Variants in CDH13 observed in about 807,000 individuals in gnomAD.
CDH13 encodes the protein cadherin-13.
A neutral mutation model predicts 63.8 loss-of-function variants in CDH13; 24 were observed. That is an observed-to-expected ratio of 0.38 (90% CI 0.27 to 0.53). The LOEUF is 0.53. Among genes scored for constraint, CDH13 ranks in the 20% least tolerant of loss-of-function variants. The pLI is 0.85. For missense variants in CDH13, 1,049 were observed against 903.1 expected (o/e 1.16, Z -2.07); for synonymous variants, 503 against 355.3 (o/e 1.42, Z -4.67).
At position 83,286,543 on chromosome 16, in the gene CDH13, C is replaced by G. The variant is rs367729876; in HGVS notation, c.637-58319C>G. Among the ~76,000 whole-genome samples the G allele has an allele frequency of 2.0e-5, 3 of 151,940 alleles. No homozygotes were observed. In the East Asian group the frequency reaches 5.8e-4, roughly 29 times the overall value. ...GGCCAAGGCAGACGGATTGCCTGAG[C>G]TCAGGAGTTCAAGACCAGCCTTGGC... On this transcript the variant is annotated intron_variant, in intron 5 of 13. Transcript: ENST00000567109.
chr16:83,377,183 G>A (rs535143575), intron 6 of CDH13, among the ~76,000 whole-genome samples: 1 of 152,248 alleles, frequency 6.6e-6, no homozygotes, highest in South Asian at 2.1e-4. Flanking sequence ...ATGTTTAGAT[G>A]TTTTCATTCT....
intron 3 of CDH13, among the ~76,000 whole-genome samples, chr16:83,065,741 AAC>A (rs1203731403): frequency 3.3e-5 from 5 of 151,916 alleles, no homozygotes; most frequent in Non-Finnish European, 5.9e-5. Flanking sequence ...AAAAAAAAAA[AAC>A]AAGACTACTT....
chr16:83,271,772 C>A (rs1291659905), intron 5 of CDH13, among the ~76,000 whole-genome samples: 3 of 152,092 alleles, frequency 2.0e-5, no homozygotes, highest in African/African-American at 7.2e-5. Context: ...GAGAAAAATT[C>A]TGTAATTTCA....
chr16:83,506,594 C>T (rs947808090), intron 7 of CDH13, among the ~76,000 whole-genome samples: 1 of 152,214 alleles, frequency 6.6e-6, no homozygotes, highest in African/African-American at 2.4e-5. Flanking sequence ...GGAGGGCTCC[C>T]AGTGATTCTC....
At chr16:83,443,434 A>AT (rs766889532) in intron 6 of CDH13, among the ~76,000 whole-genome samples, 9 of 152,202 alleles carry the variant, frequency 5.9e-5, no homozygotes, top group Non-Finnish European at 1.3e-4. Context: ...TGATTTATAC[A>AT]TTTTTGACCT....
chr16:83,747,849 G>A (rs1912732015), intron 10 of CDH13, among the ~76,000 whole-genome samples: 1 of 151,428 alleles, frequency 6.6e-6, no homozygotes, highest in Non-Finnish European at 1.5e-5. Context: ...TGAGAGCTTG[G>A]CAGATGGCAA....
intron 4 of CDH13, among the ~76,000 whole-genome samples, chr16:83,201,773 C>T (rs374567197): frequency 5.3e-5 from 8 of 151,566 alleles, no homozygotes; most frequent in African/African-American, 1.9e-4. Context: ...AAAAATTAGC[C>T]GGGCGTGGTA....
At chr16:82,979,590 AG>A (rs1400778120) in intron 2 of CDH13, among the ~76,000 whole-genome samples, 3 of 152,210 alleles carry the variant, frequency 2.0e-5, no homozygotes, top group African/African-American at 7.2e-5. Flanking sequence ...CATGTGAAAA[AG>A]GATGTGTTTG....
chr16:83,031,307 G>T (rs1454674382), intron 2 of CDH13, among the ~76,000 whole-genome samples: 28 of 28,246 alleles, frequency 9.9e-4, no homozygotes, highest in African/African-American at 3.2e-3. Context: ...GTATCCATGC[G>T]CATGCATAGG....
intron 5 of CDH13, among the ~76,000 whole-genome samples, chr16:83,319,463 A>T (rs2090175162): frequency 6.6e-6 from 1 of 152,192 alleles, no homozygotes; most frequent in African/African-American, 2.4e-5. Context: ...CAACCTAAGA[A>T]GGCTTTGTTG....
intron 11 of CDH13, among the ~76,000 whole-genome samples, chr16:83,754,465 G>T (rs766759514): frequency 3.3e-5 from 5 of 152,156 alleles, no homozygotes; most frequent in Admixed American, 2.0e-4. Context: ...CTAAGTTGAT[G>T]AAGCAAGGCT....
At chr16:83,401,332 C>G (rs1344538449) in intron 6 of CDH13, among the ~76,000 whole-genome samples, 1 of 148,808 alleles carries the variant, frequency 6.7e-6, no homozygotes, top group Non-Finnish European at 1.5e-5. Context: ...GAGTGAGACT[C>G]CATCTCAAAA....
At chr16:83,287,045 C>A (rs2089335524) in intron 5 of CDH13, among the ~76,000 whole-genome samples, 2 of 152,104 alleles carry the variant, frequency 1.3e-5, no homozygotes, top group African/African-American at 4.8e-5. Context: ...GGGCCACCTT[C>A]ATGAGCGCAT....
intron 7 of CDH13, among the ~76,000 whole-genome samples, chr16:83,497,309 C>T (rs1258450758): frequency 2.0e-5 from 3 of 152,022 alleles, no homozygotes; most frequent in Non-Finnish European, 4.4e-5. Flanking sequence ...GGCACATATA[C>T]ACCATGGAAT....
rs367891576 is a variant in CDH13 at position 83,097,331 on chromosome 16, G to A, written c.367-28054G>A. On this transcript the variant is annotated intron_variant, in intron 3 of 13. Transcript: ENST00000567109. ...TCTTGCCTCATAACTTTTGTTCTTTGTATTCCTTAAAAAGACCTAAGAGAG... is the reference window on the plus strand; with the variant it reads ...TCTTGCCTCATAACTTTTGTTCTTTATATTCCTTAAAAAGACCTAAGAGAG... Among the ~76,000 whole-genome samples the A allele has an allele frequency of 2.6e-5, 4 of 152,218 alleles. No individual in the cohort carries two copies. The East Asian group carries it at 7.7e-4, about 29-fold the overall frequency.
At chr16:83,126,467 G>A (rs1567855445) in intron 4 of CDH13, among the ~76,000 whole-genome samples, 1 of 152,130 alleles carries the variant, frequency 6.6e-6, no homozygotes, top group African/African-American at 2.4e-5. Flanking sequence ...AAGGCGGGAA[G>A]GGTAGTTTCA....
At chr16:83,660,879 G>T (rs1409065879) in intron 8 of CDH13, among the ~76,000 whole-genome samples, 1 of 152,062 alleles carries the variant, frequency 6.6e-6, no homozygotes, top group Non-Finnish European at 1.5e-5. Context: ...CTCAAGTGAA[G>T]GAGAGCTACT....
At chr16:82,925,434 G>T (rs2042273469) in intron 2 of CDH13, among the ~76,000 whole-genome samples, 1 of 152,190 alleles carries the variant, frequency 6.6e-6, no homozygotes, top group Non-Finnish European at 1.5e-5. Flanking sequence ...GAAGAACAAT[G>T]GGCTACACCA....
intron 1 of CDH13, among the ~76,000 whole-genome samples, chr16:82,649,354 C>G (rs189184407): frequency 6.6e-6 from 1 of 151,936 alleles, no homozygotes; most frequent in African/African-American, 2.4e-5. Flanking sequence ...ACATTGATAA[C>G]TATATGAAGG....
Sources: allele counts gnomAD v4.1 joint callset (sites outside exome capture counted in the v4.1 genomes callset), GRCh38; gene constraint gnomAD v4.1.1; transcripts MANE v1.5; gene names NCBI Gene and HGNC (gene_info 2026-07-23, HGNC 2026-07-21).